RAP1GAP2: variants seen among roughly 807,000 people sequenced by gnomAD.
The protein encoded by RAP1GAP2 is rap1 GTPase-activating protein 2.
Under a neutral mutation model 95.0 loss-of-function variants are expected in RAP1GAP2, and 27 were observed. That is an observed-to-expected ratio of 0.28 (90% CI 0.21 to 0.39). The LOEUF is 0.39. RAP1GAP2 is among the 10% of genes least tolerant of loss of function. The probability of loss-of-function intolerance (pLI) is 1.00; values close to 1 mark genes in which losing one functional copy is unlikely to be tolerated. For missense variants in RAP1GAP2, 771 were observed against 970.0 expected (o/e 0.79, Z 2.72); for synonymous variants, 373 against 380.9 (o/e 0.98, Z 0.24).
At chr17:2,984,946 C>A in intron 10 of RAP1GAP2, 37 bp from the exon 11 acceptor site, 1 of 1,604,808 alleles carries the variant, frequency 6.2e-7, no homozygotes, top group Non-Finnish European at 8.5e-7. Flanking sequence ...CCAAATTTAA[C>A]AAATGTTGAT....
In RAP1GAP2 at chr17:2,930,753, C is replaced by G. The variant is rs534966871; in HGVS notation, c.165+25385C>G. 7.9e-5 allele frequency among the ~76,000 whole-genome samples: 12 copies of G among 152,304 alleles called. No homozygotes were observed. In the South Asian group the frequency reaches 2.5e-3, roughly 32 times the overall value. On this transcript the variant is annotated intron_variant, in intron 3 of 24. Transcript: ENST00000254695. ...GTGCTTGAGTGGGGGGACCACAGGACAGGCAAATTAGAAACTGCACGAAAC... is the reference window on the plus strand; with the variant it reads ...GTGCTTGAGTGGGGGGACCACAGGAGAGGCAAATTAGAAACTGCACGAAAC...
chr17:2,856,221 G>C (rs1016695012), intron 2 of RAP1GAP2, among the ~76,000 whole-genome samples: 1 of 152,214 alleles, frequency 6.6e-6, no homozygotes, highest in African/African-American at 2.4e-5. Context: ...TAGAAAGGCA[G>C]ATGCGTGGGA....
chr17:2,954,034 GTCTC>G (rs1272008685), intron 3 of RAP1GAP2, among the ~76,000 whole-genome samples: 4 of 152,072 alleles, frequency 2.6e-5, no homozygotes, highest in Non-Finnish European at 4.4e-5. Context: ...TCTTCTTTCT[GTCTC>G]TATGAGGTTG....
chr17:2,998,130 G>A lies in RAP1GAP2; in HGVS notation c.1045-91G>A, dbSNP rs1233821400. The A allele has an allele frequency of 2.9e-6, 4 of 1,374,748 alleles. No homozygotes were observed. In the African/African-American group the frequency reaches 4.3e-5, roughly 15 times the overall value. The allele number at this position is 1,374,748 out of a possible 1,614,324, so 85.2% of individuals were successfully genotyped here. A position where few individuals can be genotyped will look rare whatever the true frequency, so the allele number is the denominator to read the frequency against. ...TTCTCACTCAGAATTCAGTTTTCCT[G>A]TGTGCAAAGGAAAGTGAACCCACTC... On this transcript the variant is annotated intron_variant, in intron 13 of 24. Coordinates refer to ENST00000254695, the MANE Select transcript of RAP1GAP2 (RefSeq NM_015085.5).
chr17:2,990,584 A>G (rs2045717767), intron 11 of RAP1GAP2, among the ~76,000 whole-genome samples: 1 of 152,112 alleles, frequency 6.6e-6, no homozygotes, highest in South Asian at 2.1e-4. Context: ...AGCTTTCGGG[A>G]CCTGCCTGGG....
At chr17:2,944,352 G>A (rs557428973) in intron 3 of RAP1GAP2, among the ~76,000 whole-genome samples, 2 of 152,132 alleles carry the variant, frequency 1.3e-5, no homozygotes, top group Non-Finnish European at 2.9e-5. Context: ...TTCTTTGCAC[G>A]TGGATATCCA....
chr17:2,905,171 C>T, intron 2 of RAP1GAP2, 113 bp from the exon 3 acceptor site: 2 of 984,116 alleles, frequency 2.0e-6, no homozygotes, highest in Non-Finnish European at 3.0e-6. Context: ...GCGTGAGCCA[C>T]CCAACCCAGC....
In RAP1GAP2 at chr17:2,820,892, G is replaced by GTTTTTT. The variant is rs59814346; in HGVS notation, c.80+20354_80+20359dup. On this transcript the variant is annotated intron_variant, in intron 2 of 24. Coordinates refer to ENST00000254695, the MANE Select transcript of RAP1GAP2 (RefSeq NM_015085.5). ...GCCCGCCACCACGGCCCGGATAATG[G>GTTTTTT]TTTTTTTTTTTTTTTTTGTATTTTT... is the stretch of plus-strand genomic sequence containing the variant. Among the ~76,000 whole-genome samples the GTTTTTT allele has an allele frequency of 3.0e-4, 31 of 104,084 alleles. No homozygotes were observed. In the East Asian group the frequency reaches 4.1e-3, roughly 14 times the overall value. 68.3% of individuals were successfully genotyped at this position (104,084 alleles called of 152,430 possible).
intron 13 of RAP1GAP2, 105 bp downstream of exon 13, chr17:2,995,571 G>T: frequency 2.1e-6 from 3 of 1,456,754 alleles, no homozygotes; most frequent in Non-Finnish European, 1.9e-6. Context: ...ATTCGTTCCC[G>T]TAGCCGGCCA....
At chr17:2,894,754 C>T (rs1268821580) in intron 2 of RAP1GAP2, among the ~76,000 whole-genome samples, 1 of 152,192 alleles carries the variant, frequency 6.6e-6, no homozygotes, top group Non-Finnish European at 1.5e-5. Flanking sequence ...CTTTCTGTCA[C>T]CAAGTCCTCT....
At chr17:2,770,571 T>C (rs2068371005) in intron 2 of RAP1GAP2, 1 of 396,942 alleles carries the variant, frequency 2.5e-6, no homozygotes, top group Non-Finnish European at 4.4e-6. Flanking sequence ...CCCTCAGTGA[T>C]GGGGAGGCCT....
intron 1 of RAP1GAP2, among the ~76,000 whole-genome samples, chr17:2,759,870 G>A (rs9898283): frequency 0.24 from 36,191 of 152,066 alleles, 4,472 homozygotes; most frequent in East Asian, 0.41. Context: ...TTGAGCCAGC[G>A]CGCCTGGCCC....
chr17:2,937,904 C>T (rs1243604888), intron 3 of RAP1GAP2, among the ~76,000 whole-genome samples: 1 of 152,170 alleles, frequency 6.6e-6, no homozygotes, highest in Non-Finnish European at 1.5e-5. Context: ...CTGTGTCTTC[C>T]CCCAGCCCCT....
At chr17:2,993,628 A>T (rs1348518504) in intron 12 of RAP1GAP2, among the ~76,000 whole-genome samples, 1 of 149,922 alleles carries the variant, frequency 6.7e-6, no homozygotes, top group African/African-American at 2.4e-5. Context: ...ATGCTCACGA[A>T]ACACTTAAGT....
upstream of RAP1GAP2, among the ~76,000 whole-genome samples, chr17:2,772,976 A>C (rs1490591621): frequency 6.7e-6 from 1 of 149,470 alleles, no homozygotes; most frequent in Non-Finnish European, 1.5e-5. Flanking sequence ...CTCCTGCCTC[A>C]GCCTCCCTAG....
At chr17:2,999,872 C>T (rs2046094557) in intron 14 of RAP1GAP2, among the ~76,000 whole-genome samples, 1 of 152,166 alleles carries the variant, frequency 6.6e-6, no homozygotes, top group Admixed American at 6.5e-5. Context: ...CTGATTCCTT[C>T]ATGCCCAGGC....
chr17:2,788,879 A>G (rs918544469), intron 1 of RAP1GAP2, among the ~76,000 whole-genome samples: 2 of 152,180 alleles, frequency 1.3e-5, no homozygotes, highest in African/African-American at 2.4e-5. Context: ...TAGTCTACCA[A>G]TTCAAAGGCT....
intron 3 of RAP1GAP2, among the ~76,000 whole-genome samples, chr17:2,955,994 G>C (rs1440714130): frequency 6.6e-6 from 1 of 152,216 alleles, no homozygotes; most frequent in Non-Finnish European, 1.5e-5. Flanking sequence ...GTTAGACGTG[G>C]AATCGCGTGT....
intron 8 of RAP1GAP2, among the ~76,000 whole-genome samples, chr17:2,974,336 G>A (rs922644712): frequency 1.3e-5 from 2 of 149,660 alleles, no homozygotes; most frequent in East Asian, 3.9e-4. Context: ...GCGAAAGAGC[G>A]AGATTCCATC....
Sources: allele counts gnomAD v4.1 joint callset (sites outside exome capture counted in the v4.1 genomes callset), GRCh38; gene constraint gnomAD v4.1.1; transcripts MANE v1.5; gene names NCBI Gene and HGNC (gene_info 2026-07-23, HGNC 2026-07-21).